The following PPIL6 variants were observed in gnomAD, a reference collection of about 807,000 sequenced individuals.
The protein encoded by PPIL6 is peptidylprolyl isomerase like 6.
Under a neutral mutation model 36.8 loss-of-function variants are expected in PPIL6, and 39 were observed. The ratio of observed to expected loss-of-function variants is 1.06; its 90% CI spans 0.82 to 1.38. The LOEUF (loss-of-function observed/expected upper bound fraction) is 1.38, where lower values mean the gene tolerates loss of function less well. PPIL6 is among the 40% of genes most tolerant of loss of function. PPIL6 has a pLI of 0.00. For missense variants in PPIL6, 368 were observed against 379.1 expected, an observed-to-expected ratio of 0.97 and a Z score of 0.24; for synonymous variants, 123 against 134.1, an observed-to-expected ratio of 0.92 and a Z score of 0.57.
Position 109,436,177 on chromosome 6 carries a change from GA to G in PPIL6, c.157del (p.Ser53ProfsTer8). On this transcript the variant is annotated frameshift_variant, in exon 2 of 8. Coordinates refer to ENST00000521072, the MANE Select transcript of PPIL6 (RefSeq NM_173672.5). LOFTEE classifies it high-confidence loss of function. ...AACTAATATAGGATCTTCAAATTTG[GA>G]TGGATGATTATTCTTCAGATTCTGG... Reference protein sequence around the residue: ...AAENLKNNHPSKFEDPILVPL... With the variant: ...AAENLKNNHPXKFEDPILVPL... 1 of 1,561,864 alleles carries G rather than the reference GA, an allele frequency of 6.4e-7. No individual in the cohort carries two copies. The highest frequency in any genetic ancestry group is 8.8e-7 in the Non-Finnish European group (1 of 1,133,122).
In PPIL6 at chr6:109,427,079, A is replaced by C. The variant is rs558329009; in HGVS notation, c.483+15T>G. ...ATCCTACCCCCACAAACTTACATATAAAAAAAAGTATCACCTCAAAAATCA... is the reference window on the plus strand; with the variant it reads ...ATCCTACCCCCACAAACTTACATATCAAAAAAAGTATCACCTCAAAAATCA... On this transcript the variant is annotated intron_variant, in intron 4 of 7. Transcript: ENST00000521072. 1 of 1,570,932 alleles carries C rather than the reference A, an allele frequency of 6.4e-7. No homozygotes were observed. The highest frequency in any genetic ancestry group is 8.7e-7 in the Non-Finnish European group (1 of 1,144,824).
At chr6:109,434,322 A>C (rs1352119689) in intron 2 of PPIL6, among the ~76,000 whole-genome samples, 1 of 152,140 alleles carries the variant, frequency 6.6e-6, no homozygotes, top group Non-Finnish European at 1.5e-5. Flanking sequence ...TTGGGAGGCC[A>C]AGGTAGGAGG....
rs576160484 is a variant in PPIL6, at chr6:109,409,717, T to C, written c.688+9470A>G. On this transcript the variant is annotated intron_variant, in intron 6 of 7. Coordinates refer to ENST00000521072, the MANE Select transcript of PPIL6 (RefSeq NM_173672.5). Reference sequence around the variant, plus strand: ...AGATACAAAAACATACAAAAATCAATAGCATTTCTATATGCCAACACTGAA... The same window carrying C: ...AGATACAAAAACATACAAAAATCAACAGCATTTCTATATGCCAACACTGAA... Among the ~76,000 whole-genome samples the C allele has an allele frequency of 2.0e-5, 3 of 152,104 alleles. No homozygotes were observed. In the South Asian group the frequency reaches 6.2e-4, roughly 31 times the overall value.
upstream of PPIL6, chr6:109,440,656 G>A (rs913144629): frequency 2.5e-5 from 29 of 1,142,706 alleles, no homozygotes; most frequent in South Asian, 4.4e-5. Context: ...GCGCGGCCCC[G>A]CCTCCGCCGC....
chr6:109,410,394 G>A (rs1381355498), intron 6 of PPIL6, among the ~76,000 whole-genome samples: 2 of 151,998 alleles, frequency 1.3e-5, no homozygotes, highest in Non-Finnish European at 2.9e-5. Flanking sequence ...TAAATATTTC[G>A]ACAAGTATTG....
At chr6:109,412,362 G>C (rs1467927010) in intron 6 of PPIL6, among the ~76,000 whole-genome samples, 1 of 152,162 alleles carries the variant, frequency 6.6e-6, no homozygotes, top group East Asian at 1.9e-4. Context: ...AATTACCAAT[G>C]ACATTCTTCA....
chr6:109,410,918 A>C (rs1772988862), intron 6 of PPIL6, among the ~76,000 whole-genome samples: 1 of 152,178 alleles, frequency 6.6e-6, no homozygotes, highest in Admixed American at 6.5e-5. Context: ...GGGGAAAAAT[A>C]TCTCTCTAGA....
chr6:109,396,208 T>C (rs113245125), intron 7 of PPIL6, among the ~76,000 whole-genome samples: 67 of 152,344 alleles, frequency 4.4e-4, no homozygotes, highest in African/African-American at 1.5e-3. Flanking sequence ...GTTATAACCA[T>C]AGCTTCTTAA....
At chr6:109,415,680 A>T (rs1179787781) in intron 6 of PPIL6, among the ~76,000 whole-genome samples, 1 of 152,198 alleles carries the variant, frequency 6.6e-6, no homozygotes, top group Non-Finnish European at 1.5e-5. Context: ...TAACGACAAT[A>T]GCATCTTGAA....
chr6:109,435,768 T>C (rs137919142), intron 2 of PPIL6, among the ~76,000 whole-genome samples: 181 of 152,072 alleles, frequency 1.2e-3, no homozygotes, highest in Middle Eastern at 6.8e-3. Context: ...GTTAAAAAAA[T>C]ACAAAAACTA....
At chr6:109,395,730 G>A (rs1045029533) in intron 7 of PPIL6, among the ~76,000 whole-genome samples, 8 of 150,646 alleles carry the variant, frequency 5.3e-5, no homozygotes, top group African/African-American at 1.2e-4. Context: ...TCAGCCTCCC[G>A]AGCAGCCGGG....
rs139357411 is a variant in PPIL6 at position 109,438,485 on chromosome 6, A to G, written c.135+1971T>C. On this transcript the variant is annotated intron_variant, in intron 1 of 7. Transcript: ENST00000521072. Reference sequence around the variant, plus strand: ...AACTACAGTAGGTAAAAGTTTAAGAAAGGGAAAATTGACATTATTAATACA... The same window carrying G: ...AACTACAGTAGGTAAAAGTTTAAGAGAGGGAAAATTGACATTATTAATACA... 8.5e-5 allele frequency among the ~76,000 whole-genome samples: 13 copies of G among 152,312 alleles called. No homozygotes were observed. The East Asian group carries it at 2.5e-3, about 29-fold the overall frequency.
rs1288606172 is a variant in PPIL6, at chr6:109,390,811, G to T, written c.*2015C>A. On this transcript the variant is annotated 3_prime_UTR_variant, in exon 8 of 8. Coordinates refer to ENST00000521072, the MANE Select transcript of PPIL6 (RefSeq NM_173672.5). Reference sequence around the variant, plus strand: ...AGCCACTGGGGAAAATGGGTGAAAGGTACACAGGACTGCTCTGTACTATTT... The same window carrying T: ...AGCCACTGGGGAAAATGGGTGAAAGTTACACAGGACTGCTCTGTACTATTT... The T allele has an allele frequency of 6.6e-6, 1 of 152,100 alleles. No homozygotes were observed. Among genetic ancestry groups the T allele is most frequent in the Admixed American group, 6.5e-5 (1 of 15,282 alleles). The allele number at this position is 152,100 out of a possible 1,614,324, so 9.4% of individuals were successfully genotyped here. A position where few individuals can be genotyped will look rare whatever the true frequency, so the allele number is the denominator to read the frequency against.
chr6:109,420,332 C>CAAAAAAAAAAAA (rs564751735), intron 5 of PPIL6, among the ~76,000 whole-genome samples: 1 of 50,952 alleles, frequency 2.0e-5, no homozygotes, highest in African/African-American at 6.5e-5. Flanking sequence ...GACTCCATCT[C>CAAAAAAAAAAAA]AAAAAAAAAA....
At chr6:109,417,196 G>A (rs1055193938) in intron 6 of PPIL6, among the ~76,000 whole-genome samples, 1 of 150,750 alleles carries the variant, frequency 6.6e-6, no homozygotes, top group African/African-American at 2.4e-5. Flanking sequence ...GAAAAAAAAA[G>A]GTAAAAGTAT....
intron 5 of PPIL6, among the ~76,000 whole-genome samples, chr6:109,425,646 G>A (rs1773773787): frequency 6.6e-6 from 1 of 151,938 alleles, no homozygotes; most frequent in South Asian, 2.1e-4. Flanking sequence ...CTACTCGGGA[G>A]GCTGAGGCAG....
intron 1 of PPIL6, among the ~76,000 whole-genome samples, chr6:109,439,488 C>T (rs955301599): frequency 2.0e-5 from 3 of 152,254 alleles, no homozygotes; most frequent in Admixed American, 2.0e-4. Flanking sequence ...TCCTGAGTAG[C>T]TGGGATTACA....
chr6:109,408,594 G>T (rs1318358143), intron 6 of PPIL6, among the ~76,000 whole-genome samples: 3 of 152,062 alleles, frequency 2.0e-5, no homozygotes, highest in South Asian at 2.1e-4. Flanking sequence ...CATATTTGAT[G>T]ATCAGTTTGA....
chr6:109,436,219 A>G lies in PPIL6; in HGVS notation c.136-20T>C. On this transcript the variant is annotated intron_variant, in intron 1 of 7. Coordinates refer to ENST00000521072, the MANE Select transcript of PPIL6 (RefSeq NM_173672.5). ...CAGATTCTGGATTTCGAAATAGAAT[A>G]ATTATTTTAGAGTTAGTTCTCTTTT... is the stretch of plus-strand genomic sequence containing the variant. 1 of 1,354,376 alleles carries G rather than the reference A, an allele frequency of 7.4e-7. No homozygotes were observed. The highest frequency in any genetic ancestry group is 1.2e-5 in the South Asian group (1 of 82,588). 83.9% of individuals were successfully genotyped at this position (1,354,376 alleles called of 1,614,324 possible). A position where few individuals can be genotyped will look rare whatever the true frequency, so the allele number is the denominator to read the frequency against.
Sources: allele counts gnomAD v4.1 joint callset (sites outside exome capture counted in the v4.1 genomes callset), GRCh38; gene constraint gnomAD v4.1.1; transcripts MANE v1.5; gene names NCBI Gene and HGNC (gene_info 2026-07-23, HGNC 2026-07-21).